The following TJP1 variants were observed in gnomAD, a reference collection of about 807,000 sequenced individuals.
TJP1 encodes the protein tight junction protein ZO-1.
In TJP1, 43 loss-of-function variants were observed where a neutral mutation model predicts 194.2. The ratio of observed to expected loss-of-function variants is 0.22; its 90% CI spans 0.17 to 0.29. The LOEUF (loss-of-function observed/expected upper bound fraction) is 0.29, where lower values mean the gene tolerates loss of function less well. Ranked by LOEUF, TJP1 falls within the 10% of genes least tolerant of loss-of-function variation. TJP1 has a pLI of 1.00. For missense variants in TJP1, 1,971 were observed against 2,185.7 expected (o/e 0.90, Z 1.96); for synonymous variants, 801 against 779.0 (o/e 1.03, Z -0.47).
chr15:29,769,909 T>C (rs980431452), intron 4 of TJP1, among the ~76,000 whole-genome samples: 8 of 152,194 alleles, frequency 5.3e-5, no homozygotes, highest in African/African-American at 1.9e-4. Context: ...CTACTTATTT[T>C]TTTTTCTACA....
intron 2 of TJP1, among the ~76,000 whole-genome samples, chr15:29,949,742 A>T (rs1448969099): frequency 8.0e-5 from 8 of 100,124 alleles, no homozygotes; most frequent in Admixed American, 2.3e-4. Context: ...CTCCACCACC[A>T]CCACCTCCAC....
At chr15:29,801,113 T>G (rs1022241571) in intron 1 of TJP1, among the ~76,000 whole-genome samples, 9 of 152,234 alleles carry the variant, frequency 5.9e-5, no homozygotes, top group African/African-American at 2.2e-4. Context: ...ACACAGTAAT[T>G]ATAAATATAC....
chr15:29,922,797 T>C (rs2054406960), intron 2 of TJP1, among the ~76,000 whole-genome samples: 1 of 152,182 alleles, frequency 6.6e-6, no homozygotes, highest in Admixed American at 6.6e-5. Flanking sequence ...GTAATAATGA[T>C]AATTAACAGT....
At chr15:29,814,447 C>T (rs987876428) in intron 1 of TJP1, among the ~76,000 whole-genome samples, 25 of 152,216 alleles carry the variant, frequency 1.6e-4, no homozygotes, top group South Asian at 8.3e-4. Context: ...TTACTGGTAT[C>T]CTCCTGAATT....
intron 8 of TJP1, among the ~76,000 whole-genome samples, chr15:29,748,712 A>G (rs2044999009): frequency 1.3e-5 from 2 of 151,620 alleles, no homozygotes; most frequent in Admixed American, 1.3e-4. Flanking sequence ...TAGCTGGACT[A>G]CAGATGCGTG....
At chr15:29,816,631 A>C (rs2049943779) in intron 1 of TJP1, among the ~76,000 whole-genome samples, 1 of 152,210 alleles carries the variant, frequency 6.6e-6, no homozygotes, top group African/African-American at 2.4e-5. Context: ...GCAAGTATGC[A>C]TTGATCAGTA....
intron 2 of TJP1, among the ~76,000 whole-genome samples, chr15:29,907,992 G>A (rs2053873606): frequency 7.7e-6 from 1 of 130,424 alleles, no homozygotes; most frequent in Non-Finnish European, 1.6e-5. Context: ...TGGACAGAGA[G>A]GGGAAAAACA....
At chr15:29,836,736 T>C (rs1173519848) in intron 2 of TJP1, among the ~76,000 whole-genome samples, 1 of 152,170 alleles carries the variant, frequency 6.6e-6, no homozygotes, top group Admixed American at 6.5e-5. Context: ...AACTAAGTCA[T>C]GGAGACAGAG....
chr15:29,713,126 T>C (rs919472444), intron 23 of TJP1, among the ~76,000 whole-genome samples: 1 of 152,222 alleles, frequency 6.6e-6, no homozygotes, highest in Non-Finnish European at 1.5e-5. Context: ...CACATTTAGT[T>C]CTTTAAAAGC....
intron 2 of TJP1, among the ~76,000 whole-genome samples, chr15:29,874,934 T>C (rs1275170456): frequency 6.6e-6 from 1 of 152,214 alleles, no homozygotes; most frequent in Non-Finnish European, 1.5e-5. Flanking sequence ...ATAATACCAA[T>C]GAAAACCATT....
Position 29,917,242 on chromosome 15 carries a change from A to G in TJP1, c.306+38990T>C, listed in dbSNP as rs144667796. 1.3e-4 allele frequency among the ~76,000 whole-genome samples: 20 copies of G among 152,336 alleles called. No individual in the cohort carries two copies. The East Asian group carries it at 2.5e-3, about 19-fold the overall frequency. ...AGGTGGTGGCTGCACTGATGTGTAC[A>G]ATAAGATAAACTGAATCGCTAGCTG... On this transcript the variant is annotated intron_variant, in intron 2 of 28. Coordinates refer to the TJP1 transcript ENST00000356107.
At position 29,754,908 on chromosome 15, in the gene TJP1, G is replaced by C. The variant is rs138906737; in HGVS notation, c.1010+6231C>G. 1.6e-4 allele frequency among the ~76,000 whole-genome samples: 24 copies of C among 152,260 alleles called. No homozygotes were observed. In the East Asian group the frequency reaches 4.4e-3, roughly 28 times the overall value. On this transcript the variant is annotated intron_variant, in intron 8 of 27. Coordinates refer to ENST00000614355, the MANE Select transcript of TJP1 (RefSeq NM_001330239.4). ...CAATATGTGACAGAAACTATATACA[G>C]TAAGATGAAATAATATTTATAGTTC... is the stretch of plus-strand genomic sequence containing the variant.
intron 2 of TJP1, among the ~76,000 whole-genome samples, chr15:29,835,116 C>T (rs1301256001): frequency 1.3e-5 from 2 of 152,130 alleles, no homozygotes; most frequent in East Asian, 1.9e-4. Context: ...ATAGCTATAA[C>T]TTTCAGTGAT....
At chr15:29,956,293 C>T (rs1431041219) in exon 2 of TJP1, 10 of 1,288,996 alleles carry the variant, frequency 7.8e-6, no homozygotes, top group East Asian at 5.5e-5. Flanking sequence ...CCCTTTAATT[C>T]GTCTTAAAGA....
chr15:29,858,396 A>G (rs2051944029), intron 2 of TJP1, among the ~76,000 whole-genome samples: 1 of 152,142 alleles, frequency 6.6e-6, no homozygotes, highest in African/African-American at 2.4e-5. Context: ...GCCAGAACTC[A>G]TCTCAAAAAT....
In TJP1 at chr15:29,822,386, G is replaced by A. The variant is rs947302285; in HGVS notation, c.-358C>T. On this transcript the variant is annotated 5_prime_UTR_variant, in exon 1 of 28. Transcript: ENST00000614355. ...CGGCGTCTCCTCGGAAGCCGGCTTC[G>A]CCACGTAACTTCCCGGGAACCGGCG... 3.9e-6 allele frequency: 4 copies of A among 1,013,430 alleles called. No individual in the cohort carries two copies. In the South Asian group the frequency reaches 1.9e-4, roughly 47 times the overall value. The allele number at this position is 1,013,430 out of a possible 1,614,324, so 62.8% of individuals were successfully genotyped here.
intron 2 of TJP1, among the ~76,000 whole-genome samples, chr15:29,880,114 T>C (rs1299934414): frequency 6.8e-6 from 1 of 148,014 alleles, no homozygotes; most frequent in Non-Finnish European, 1.5e-5. Context: ...ACATCTTCAA[T>C]AATTTCTCTC....
At chr15:29,867,768 A>G (rs2052357783) in intron 2 of TJP1, among the ~76,000 whole-genome samples, 1 of 152,140 alleles carries the variant, frequency 6.6e-6, no homozygotes, top group African/African-American at 2.4e-5. Flanking sequence ...ACATTTTAAA[A>G]ATTAAGGCTG....
intron 2 of TJP1, among the ~76,000 whole-genome samples, chr15:29,870,602 C>A (rs2052479013): frequency 6.6e-6 from 1 of 152,170 alleles, no homozygotes; most frequent in African/African-American, 2.4e-5. Context: ...GAAAATGCTT[C>A]TGTTGATTAG....
Sources: allele counts gnomAD v4.1 joint callset (sites outside exome capture counted in the v4.1 genomes callset), GRCh38; gene constraint gnomAD v4.1.1; transcripts MANE v1.5; gene names NCBI Gene and HGNC (gene_info 2026-07-23, HGNC 2026-07-21).